MGAT5B: variants seen among roughly 807,000 people sequenced by gnomAD.
MGAT5B encodes N-acetylglucosaminyl-transferase Vb.
A neutral mutation model predicts 95.1 loss-of-function variants in MGAT5B; 54 were observed. The ratio of observed to expected loss-of-function variants is 0.57; its 90% CI spans 0.46 to 0.71. The LOEUF (loss-of-function observed/expected upper bound fraction) is 0.71. Ranked by LOEUF, MGAT5B falls within the 30% of genes least tolerant of loss-of-function variation. MGAT5B has a pLI of 0.00. For synonymous variants in MGAT5B, 464 were observed against 451.0 expected, an observed-to-expected ratio of 1.03 and a Z score of -0.36; for missense variants, 935 against 1,088.6, an observed-to-expected ratio of 0.86 and a Z score of 1.99.
intron 3 of MGAT5B, among the ~76,000 whole-genome samples, chr17:76,884,276 C>T (rs527319004): frequency 1.3e-5 from 2 of 152,304 alleles, no homozygotes; most frequent in Non-Finnish European, 1.5e-5. Flanking sequence ...GAAACTCACC[C>T]AAAGTTGCAC....
chr17:76,923,822 G>T (rs534787740), intron 8 of MGAT5B: 2 of 152,342 alleles, frequency 1.3e-5, no homozygotes, highest in Non-Finnish European at 2.9e-5. Flanking sequence ...CAGTGGGGAG[G>T]GGGTGTTTGG....
chr17:76,889,155 G>A lies in MGAT5B; in HGVS notation c.329+6857G>A, dbSNP rs73371849. Among the ~76,000 whole-genome samples the A allele has an allele frequency of 0.059, 9,051 of 152,310 alleles. 715 individuals are homozygous for A. Among genetic ancestry groups the A allele is most frequent in the African/African-American group, 0.18 (7,307 of 41,522 alleles). ...GCCAGGTACACCGAGCTGTTTTGCA[G>A]ATGCAGTGAGAAGATGCAGGGCTGG... On this transcript the variant is annotated intron_variant, in intron 3 of 17. Transcript: ENST00000569840. The surrounding 1 kb of genome is among the most constrained non-coding windows in gnomAD (Gnocchi z 4.4).
At chr17:76,919,907 C>G (rs1969071571) in intron 8 of MGAT5B, among the ~76,000 whole-genome samples, 1 of 152,192 alleles carries the variant, frequency 6.6e-6, no homozygotes, top group African/African-American at 2.4e-5. Context: ...ACAATAATTT[C>G]CTATTCCTTC....
At chr17:76,941,047 A>G (rs1302998531) in intron 15 of MGAT5B, among the ~76,000 whole-genome samples, 199 bp downstream of exon 15, 1 of 152,238 alleles carries the variant, frequency 6.6e-6, no homozygotes, top group Non-Finnish European at 1.5e-5. Flanking sequence ...GATCCCATTC[A>G]TCTACTCAGG....
chr17:76,934,202 C>T (rs1427029664), intron 12 of MGAT5B, among the ~76,000 whole-genome samples: 1 of 152,212 alleles, frequency 6.6e-6, no homozygotes, highest in Non-Finnish European at 1.5e-5. Flanking sequence ...ATGTGCCAGG[C>T]ATTGTGCTAA....
At chr17:76,942,032 G>C (rs1969876828) in intron 15 of MGAT5B, among the ~76,000 whole-genome samples, 1 of 152,342 alleles carries the variant, frequency 6.6e-6, no homozygotes, top group African/African-American at 2.4e-5. Context: ...CAGCCTTGAG[G>C]TGGAGTCACC....
At chr17:76,907,315 T>C (rs1056958123) in intron 8 of MGAT5B, among the ~76,000 whole-genome samples, 2 of 152,214 alleles carry the variant, frequency 1.3e-5, no homozygotes, top group Admixed American at 6.5e-5. Context: ...CCTCCCAAAG[T>C]GTTGGGATTA....
intron 2 of MGAT5B, among the ~76,000 whole-genome samples, chr17:76,878,797 G>A (rs1281160006): frequency 2.6e-5 from 4 of 152,134 alleles, no homozygotes; most frequent in African/African-American, 4.8e-5. Context: ...TTATAGGAGC[G>A]TTTCTTTCTT....
chr17:76,908,272 C>A (rs1051551967), intron 8 of MGAT5B, among the ~76,000 whole-genome samples: 9 of 128,290 alleles, frequency 7.0e-5, no homozygotes, highest in African/African-American at 2.4e-4. Context: ...CTCTTTCTTT[C>A]TTCTTTTTTT....
chr17:76,941,019 T>C lies in MGAT5B; in HGVS notation c.1848+171T>C, dbSNP rs566706303. 2.6e-5 allele frequency among the ~76,000 whole-genome samples: 4 copies of C among 152,314 alleles called. No individual in the cohort carries two copies. The South Asian group carries it at 6.2e-4, about 24-fold the overall frequency. On this transcript the variant is annotated intron_variant, in intron 15 of 17. Transcript: ENST00000569840. Reference sequence around the variant, plus strand: ...ACAGCCCTGAGCCAGGGCATGTGGATTGGAGAATGGAATGGGGGATCCCAT... The same window carrying C: ...ACAGCCCTGAGCCAGGGCATGTGGACTGGAGAATGGAATGGGGGATCCCAT...
chr17:76,881,932 A>G (rs1224809640), intron 2 of MGAT5B, among the ~76,000 whole-genome samples: 2 of 152,262 alleles, frequency 1.3e-5, no homozygotes, highest in Non-Finnish European at 2.9e-5. Context: ...GGGGCTGCCC[A>G]GGGCTCTGCA....
chr17:76,869,199 G>A lies in MGAT5B; in HGVS notation c.68+102G>A. 2 of 1,044,106 alleles carry A rather than the reference G, an allele frequency of 1.9e-6. No homozygotes were observed. The highest frequency in any genetic ancestry group is 3.0e-6 in the Non-Finnish European group (2 of 667,178). 64.7% of individuals were successfully genotyped at this position (1,044,106 alleles called of 1,614,324 possible). The stretch of plus-strand genomic sequence containing the variant: ...TTCAAGTCCTGGTGGCAGAGGGGGC[G>A]GTTCACACTTCAACCCCTGGTGATG... On this transcript the variant is annotated intron_variant, in intron 1 of 17. Coordinates refer to ENST00000569840, the MANE Select transcript of MGAT5B (RefSeq NM_001199172.2). The surrounding 1 kb of genome is among the most constrained non-coding windows in gnomAD (Gnocchi z 7.0).
chr17:76,872,614 C>T (rs1967047643), intron 1 of MGAT5B: 1 of 1,442,212 alleles, frequency 6.9e-7, no homozygotes, highest in Middle Eastern at 1.9e-4. Context: ...AAGTGTGCGT[C>T]ATTCTGCCTT....
chr17:76,923,474 A>T (rs960431251), intron 8 of MGAT5B, among the ~76,000 whole-genome samples: 1 of 151,990 alleles, frequency 6.6e-6, no homozygotes, highest in African/African-American at 2.4e-5. Flanking sequence ...CTGGGTTGGG[A>T]GCAAAGGATG....
chr17:76,882,157 G>T lies in MGAT5B; in HGVS notation c.188G>T (p.Gly63Val). 1 of 1,609,850 alleles carries T rather than the reference G, an allele frequency of 6.2e-7. No individual in the cohort carries two copies. The highest frequency in any genetic ancestry group is 1.1e-5 in the South Asian group (1 of 90,448). The change falls in exon 3 of 18, where the codon GGG (glycine) becomes GTG (valine). Residue 63 changes from glycine to valine, a missense_variant. This residue lies in a region of MGAT5B where 243 missense variants were observed against 228.2 expected (regional missense o/e 1.06). Coordinates refer to ENST00000569840, the MANE Select transcript of MGAT5B (RefSeq NM_001199172.2). ...ACCCACACTCTGCCCACAGTGATGG[G>T]GGGCCCCGAGTCCCGCGGCGTCCTG... ...SPFTIRTEVMGGPESRGVLRK... is the reference protein window; with the variant it reads ...SPFTIRTEVMVGPESRGVLRK...
At chr17:76,947,403 C>T (rs912450414) in intron 16 of MGAT5B, among the ~76,000 whole-genome samples, 2 of 152,124 alleles carry the variant, frequency 1.3e-5, no homozygotes, top group African/African-American at 2.4e-5. Context: ...GAAAAGCATT[C>T]GCGGGGCCCT....
rs1279974886 is a variant in MGAT5B, at chr17:76,906,632, G to C, written c.1025+445G>C. 6.6e-6 allele frequency among the ~76,000 whole-genome samples: 1 copy of C among 152,138 alleles called. No homozygotes were observed. The highest frequency in any genetic ancestry group is 1.5e-5 in the Non-Finnish European group (1 of 68,036). ...GAAGGGGCGTGGTTGGGTGGGTGGT[G>C]CCTGTCCCTTACCCAGTGCTGGGCT... On this transcript the variant is annotated intron_variant, in intron 8 of 17. Coordinates refer to ENST00000569840, the MANE Select transcript of MGAT5B (RefSeq NM_001199172.2). The surrounding 1 kb of genome is among the most constrained non-coding windows in gnomAD (Gnocchi z 4.6).
chr17:76,948,812 G>T lies in MGAT5B; in HGVS notation c.2353G>T (p.Val785Leu). ...CTGCCGCGACTTCCGCAAGGGCCAGGTGGCCTTGTGCCAGGGCTGTCTGTG... is the reference window on the plus strand; with the variant it reads ...CTGCCGCGACTTCCGCAAGGGCCAGTTGGCCTTGTGCCAGGGCTGTCTGTG... ...CPCRDFRKGQ[V>L]ALCQGCL The change falls in exon 18 of 18, where the codon GTG becomes TTG. Residue 785 changes from valine (V) to leucine (L), a missense_variant. Physicochemically the swap from Val to Leu is conservative, Grantham distance 32. Coordinates refer to ENST00000569840, the MANE Select transcript of MGAT5B (RefSeq NM_001199172.2). 1 of 1,605,236 alleles carries T rather than the reference G, an allele frequency of 6.2e-7. No homozygotes were observed. Among genetic ancestry groups the T allele is most frequent in the Non-Finnish European group, 8.5e-7 (1 of 1,176,896 alleles).
At chr17:76,945,284 A>ATATT (rs1310428869) in intron 15 of MGAT5B, among the ~76,000 whole-genome samples, 21 of 151,980 alleles carry the variant, frequency 1.4e-4, no homozygotes, top group Admixed American at 3.9e-4. Context: ...TGACTATTAG[A>ATATT]TATTTATTTA....
Sources: gnomAD v4.1 joint callset for allele counts (sites outside exome capture counted in the v4.1 genomes callset) on GRCh38, gnomAD v4.1.1 for gene constraint, gnomAD v4.1.1 regional missense constraint, Gnocchi (gnomAD v3.1) non-coding constraint, MANE v1.5 for transcripts, NCBI Gene and HGNC (gene_info 2026-07-23, HGNC 2026-07-21) for gene names.